Variants in SPAG17 observed in about 807,000 individuals in gnomAD.
The protein encoded by SPAG17 is sperm associated antigen 17.
A neutral mutation model predicts 273.6 loss-of-function variants in SPAG17; 169 were observed. That is an observed-to-expected ratio of 0.62 (90% CI 0.55 to 0.70). The LOEUF is 0.70. Among genes scored for constraint, SPAG17 ranks in the 30% least tolerant of loss-of-function variants. The pLI is 0.00. For missense variants in SPAG17, 2,557 were observed against 2,627.8 expected (o/e 0.97, Z 0.59); for synonymous variants, 825 against 873.2 (o/e 0.94, Z 0.97).
intron 1 of SPAG17, among the ~76,000 whole-genome samples, chr1:118,155,260 T>C (rs150305377): frequency 2.0e-5 from 3 of 152,330 alleles, no homozygotes; most frequent in African/African-American, 7.2e-5. Context: ...AAAGTATTCA[T>C]GTAAATGCAG....
Position 118,097,871 on chromosome 1 carries a change from T to C in SPAG17, c.830-20A>G, listed in dbSNP as rs1488191787. On this transcript the variant is annotated intron_variant, in intron 6 of 48. Coordinates refer to ENST00000336338, the MANE Select transcript of SPAG17 (RefSeq NM_206996.4). Reference sequence around the variant, plus strand: ...CTAGATCTAATAATAGCAACATGTTTATATTACCAAATGAGAGTGTTAAAT... The same window carrying C: ...CTAGATCTAATAATAGCAACATGTTCATATTACCAAATGAGAGTGTTAAAT... 2 of 1,514,996 alleles carry C rather than the reference T, an allele frequency of 1.3e-6. No individual in the cohort carries two copies. Among genetic ancestry groups the C allele is most frequent in the Non-Finnish European group, 1.8e-6 (2 of 1,121,578 alleles). 93.8% of individuals were successfully genotyped at this position (1,514,996 alleles called of 1,614,324 possible).
At chr1:118,131,620 G>T (rs943354137) in intron 3 of SPAG17, among the ~76,000 whole-genome samples, 1 of 152,124 alleles carries the variant, frequency 6.6e-6, no homozygotes, top group African/African-American at 2.4e-5. Flanking sequence ...GATAATTTTT[G>T]AATGAAATCA....
chr1:118,136,237 A>C (rs1359158260), intron 3 of SPAG17, among the ~76,000 whole-genome samples: 1 of 152,168 alleles, frequency 6.6e-6, no homozygotes, highest in Admixed American at 6.5e-5. Flanking sequence ...ATATTGATTC[A>C]AAAAAGACTG....
At chr1:117,986,736 C>A (rs1656457549) in intron 40 of SPAG17, among the ~76,000 whole-genome samples, 1 of 152,144 alleles carries the variant, frequency 6.6e-6, no homozygotes, top group African/African-American at 2.4e-5. Flanking sequence ...AAATAATGTG[C>A]TTCAGGGAAC....
chr1:118,088,336 A>G (rs888791612), intron 10 of SPAG17, among the ~76,000 whole-genome samples: 2 of 152,216 alleles, frequency 1.3e-5, no homozygotes, highest in Admixed American at 1.3e-4. Context: ...GGAACATAGT[A>G]GATGGTTAAT....
chr1:117,983,065 A>G (rs1236911748), intron 42 of SPAG17, among the ~76,000 whole-genome samples: 1 of 152,176 alleles, frequency 6.6e-6, no homozygotes, highest in Admixed American at 6.5e-5. Context: ...CTACAGGAAA[A>G]AGGTTTAATG....
rs573949580 is a variant in SPAG17, at chr1:118,007,847, A to G, written c.4587+197T>C. Among the ~76,000 whole-genome samples the G allele has an allele frequency of 3.9e-5, 6 of 152,340 alleles. No homozygotes were observed. The South Asian group carries it at 1.2e-3, about 32-fold the overall frequency. On this transcript the variant is annotated intron_variant, in intron 31 of 48. Coordinates refer to ENST00000336338, the MANE Select transcript of SPAG17 (RefSeq NM_206996.4). ...GAAGTTTTGCAAAACAAGCAGGACAATGTTTTTCTGGCATGGGATGTAAAA... is the reference window on the plus strand; with the variant it reads ...GAAGTTTTGCAAAACAAGCAGGACAGTGTTTTTCTGGCATGGGATGTAAAA...
chr1:118,006,104 T>C (rs1012078753), intron 31 of SPAG17, among the ~76,000 whole-genome samples: 1 of 152,206 alleles, frequency 6.6e-6, no homozygotes, highest in African/African-American at 2.4e-5. Context: ...CAGATCTTTT[T>C]CCGAAATATA....
At chr1:118,154,340 T>C (rs7512441) in intron 1 of SPAG17, among the ~76,000 whole-genome samples, 15,510 of 152,150 alleles carry the variant, frequency 0.1, 2,203 homozygotes, top group African/African-American at 0.32. Context: ...TGAGCAAACA[T>C]GACAGGGACC....
chr1:118,166,024 T>G (rs923355681), intron 1 of SPAG17, among the ~76,000 whole-genome samples: 2 of 152,182 alleles, frequency 1.3e-5, no homozygotes, highest in African/African-American at 2.4e-5. Context: ...AACCTTAAAC[T>G]AGTTTAACAA....
intron 32 of SPAG17, among the ~76,000 whole-genome samples, chr1:118,001,246 A>T (rs1658256553): frequency 6.6e-6 from 1 of 152,158 alleles, no homozygotes; most frequent in South Asian, 2.1e-4. Context: ...AAGATTTCAC[A>T]TCGATGTTCA....
Position 118,091,939 on chromosome 1 carries a change from G to A in SPAG17, c.1237C>T (p.Pro413Ser). 6.2e-7 allele frequency: 1 copy of A among 1,613,702 alleles called. No homozygotes were observed. Among genetic ancestry groups the A allele is most frequent in the Non-Finnish European group, 8.5e-7 (1 of 1,179,666 alleles). ...CCGATTTCATACATGCCTGGTGGTG[G>A]AGCTTGCGGTTCTTCATACTGTGCT... ...KKAQYEEPQA[P>S]PPVTSVITTE... The change falls in exon 9 of 49, where the codon CCA (proline) becomes TCA (serine). Residue 413 changes from proline to serine, a missense_variant. Coordinates refer to ENST00000336338, the MANE Select transcript of SPAG17 (RefSeq NM_206996.4).
chr1:117,973,447 G>C lies in SPAG17; in HGVS notation c.6119C>G (p.Pro2040Arg). ...TACCTTTGCAAGAGGTTGAGACTTAGGCTTGGAACTCAGCAAATAATGAGG... is the reference window on the plus strand; with the variant it reads ...TACCTTTGCAAGAGGTTGAGACTTACGCTTGGAACTCAGCAAATAATGAGG... ...KLPHYLLSSK[P>R]KSQPLAKVQD... Residue 2040 changes from proline to arginine, a missense_variant, in exon 44 of 49, where the codon CCT becomes CGT. Coordinates refer to ENST00000336338, the MANE Select transcript of SPAG17 (RefSeq NM_206996.4). The C allele has an allele frequency of 6.2e-7, 1 of 1,613,702 alleles. No homozygotes were observed. Among genetic ancestry groups the C allele is most frequent in the Non-Finnish European group, 8.5e-7 (1 of 1,179,728 alleles).
At chr1:117,954,973 AAAG>A in intron 48 of SPAG17, 1 of 383,502 alleles carries the variant, frequency 2.6e-6, no homozygotes, top group Non-Finnish European at 4.6e-6. Flanking sequence ...CTGATGAGAT[AAAG>A]AAGAGAGAGA....
chr1:118,124,918 C>T (rs542568533), intron 3 of SPAG17, among the ~76,000 whole-genome samples: 31 of 152,268 alleles, frequency 2.0e-4, no homozygotes, highest in African/African-American at 2.4e-4. Flanking sequence ...TCTTGGGTCA[C>T]GGTCCCTCTT....
At chr1:118,031,557 C>T (rs547137197) in intron 25 of SPAG17, 135 bp downstream of exon 25, 17 of 949,976 alleles carry the variant, frequency 1.8e-5, no homozygotes, top group Middle Eastern at 2.6e-4. Context: ...AAAGTTGAGA[C>T]TACAAGGGAC....
At chr1:118,058,360 A>T (rs1651925255) in intron 18 of SPAG17, among the ~76,000 whole-genome samples, 1 of 152,126 alleles carries the variant, frequency 6.6e-6, no homozygotes. Flanking sequence ...GGTGCACACC[A>T]CCAGACCCAG....
chr1:118,080,014 C>T (rs1654411015), intron 15 of SPAG17, among the ~76,000 whole-genome samples: 1 of 152,090 alleles, frequency 6.6e-6, no homozygotes, highest in Admixed American at 6.5e-5. Flanking sequence ...TAGGCATATA[C>T]ATAATTATAA....
intron 3 of SPAG17, among the ~76,000 whole-genome samples, chr1:118,143,789 G>T (rs1658813833): frequency 1.3e-5 from 2 of 152,160 alleles, no homozygotes; most frequent in African/African-American, 4.8e-5. Flanking sequence ...AACCACCCCA[G>T]CCCAGACCTG....
Sources: allele counts gnomAD v4.1 joint callset (sites outside exome capture counted in the v4.1 genomes callset), GRCh38; gene constraint gnomAD v4.1.1; transcripts MANE v1.5; gene names NCBI Gene and HGNC (gene_info 2026-07-23, HGNC 2026-07-21).